ATP8B4: variants seen among roughly 807,000 people sequenced by gnomAD.
The protein encoded by ATP8B4 is probable phospholipid-transporting ATPase IM.
In ATP8B4, 133 loss-of-function variants were observed where a neutral mutation model predicts 145.6. The ratio of observed to expected loss-of-function variants is 0.91; its 90% CI spans 0.79 to 1.05. ATP8B4 has a LOEUF of 1.05. ATP8B4 is among the 50% of genes least tolerant of loss of function. ATP8B4 has a pLI of 0.00. For missense variants in ATP8B4, 1,458 were observed against 1,425.2 expected (o/e 1.02, Z -0.37); for synonymous variants, 507 against 492.9 (o/e 1.03, Z -0.38).
chr15:50,170,162 T>C (rs1180348915), intron 1 of ATP8B4, among the ~76,000 whole-genome samples: 1 of 152,064 alleles, frequency 6.6e-6, no homozygotes, highest in Non-Finnish European at 1.5e-5. Context: ...GACATGTAAA[T>C]ATGAGAAGCA....
At chr15:50,137,660 A>G (rs1288066210) in intron 1 of ATP8B4, among the ~76,000 whole-genome samples, 1 of 152,186 alleles carries the variant, frequency 6.6e-6, no homozygotes, top group African/African-American at 2.4e-5. Context: ...GTTGCATGTC[A>G]CTGTGCACCA....
At chr15:49,864,746 A>G (rs1295822176) in intron 26 of ATP8B4, among the ~76,000 whole-genome samples, 1 of 152,210 alleles carries the variant, frequency 6.6e-6, no homozygotes, top group East Asian at 1.9e-4. Flanking sequence ...CCACATTTGC[A>G]TGAATAATAA....
Position 49,979,637 on chromosome 15 carries a change from T to C in ATP8B4, c.1014A>G (p.Val338=). Residue 338 remains valine (V), a synonymous_variant, in exon 12 of 28, where the codon GTA becomes GTG. Coordinates refer to ENST00000284509, the MANE Select transcript of ATP8B4 (RefSeq NM_024837.4). ...WSYIIILNTV[V]PISLYVSVEV... ...CTTACCTCACATATAAGGAAATGGG[T>C]ACAACTGTATTGAGAATAATAATAT... 6.4e-7 allele frequency: 1 copy of C among 1,552,590 alleles called. No individual in the cohort carries two copies. The highest frequency in any genetic ancestry group is 8.8e-7 in the Non-Finnish European group (1 of 1,140,822).
intron 6 of ATP8B4, among the ~76,000 whole-genome samples, chr15:50,032,812 A>G (rs1221240940): frequency 3.3e-5 from 5 of 152,194 alleles, no homozygotes; most frequent in Admixed American, 1.3e-4. Flanking sequence ...CATAGAAAAA[A>G]AGACAGAGAG....
chr15:49,898,412 A>G (rs550044588), intron 21 of ATP8B4, among the ~76,000 whole-genome samples, 161 bp from the exon 22 acceptor site: 278 of 152,378 alleles, frequency 1.8e-3, no homozygotes, highest in Non-Finnish European at 3.3e-3. Context: ...ACAAGCAACA[A>G]GAACCAAAGA....
chr15:50,001,872 A>G (rs1450542556), intron 8 of ATP8B4, among the ~76,000 whole-genome samples: 1 of 152,200 alleles, frequency 6.6e-6, no homozygotes, highest in African/African-American at 2.4e-5. Flanking sequence ...TTGAAATCAA[A>G]ACAAGCAAAA....
intron 17 of ATP8B4, among the ~76,000 whole-genome samples, chr15:49,921,979 T>C (rs1330795323): frequency 6.6e-6 from 1 of 152,228 alleles, no homozygotes; most frequent in Non-Finnish European, 1.5e-5. Flanking sequence ...TACCACTGCC[T>C]TCCTCTCTGT....
In ATP8B4 at chr15:50,038,789, G is replaced by T; in HGVS notation, c.341C>A (p.Ser114Tyr). The stretch of plus-strand genomic sequence containing the variant: ...TTACTTGCTGTTGATGAGCACTTCA[G>T]ACTGCCGATTATTCACTTGATTATC... ...KSDNQVNNRQ[S>Y]EVLINSKLQN... Residue 114 changes from serine (S) to tyrosine (Y), a missense_variant, in exon 6 of 28, where the codon TCT (serine) becomes TAT (tyrosine). By Grantham distance (144) the Ser-to-Tyr change is moderately radical. Transcript: ENST00000284509. 1 of 1,613,662 alleles carries T rather than the reference G, an allele frequency of 6.2e-7. No individual in the cohort carries two copies. Among genetic ancestry groups the T allele is most frequent in the African/African-American group, 1.3e-5 (1 of 75,028 alleles).
At chr15:49,900,976 G>A in intron 21 of ATP8B4, 116 bp downstream of exon 21, 1 of 1,313,170 alleles carries the variant, frequency 7.6e-7, no homozygotes, top group African/African-American at 1.5e-5. Flanking sequence ...CATATGCCCT[G>A]TATCTAGTAG....
chr15:49,894,960 G>A (rs1176251645), intron 23 of ATP8B4: 2 of 152,212 alleles, frequency 1.3e-5, no homozygotes, highest in African/African-American at 2.4e-5. Flanking sequence ...TCCTCAAGGA[G>A]CTAATGGTTA....
chr15:49,911,520 A>G (rs2039225831), intron 20 of ATP8B4, among the ~76,000 whole-genome samples: 1 of 152,166 alleles, frequency 6.6e-6, no homozygotes, highest in African/African-American at 2.4e-5. Flanking sequence ...CCAACACTGA[A>G]GTACCCAGAT....
At chr15:50,047,216 C>T (rs112529970) in intron 4 of ATP8B4, 135 bp downstream of exon 4, 3 of 616,338 alleles carry the variant, frequency 4.9e-6, no homozygotes, top group African/African-American at 1.9e-5. Flanking sequence ...GAAACAGCAA[C>T]AACAAGATTA....
chr15:50,094,755 C>A (rs2055858875), intron 2 of ATP8B4, among the ~76,000 whole-genome samples: 1 of 147,688 alleles, frequency 6.8e-6, no homozygotes, highest in Admixed American at 6.8e-5. Flanking sequence ...TTCCGTTTTA[C>A]TAGAGAATCC....
chr15:49,999,897 TC>T (rs988389253), intron 8 of ATP8B4, among the ~76,000 whole-genome samples: 14 of 152,274 alleles, frequency 9.2e-5, no homozygotes, highest in African/African-American at 3.1e-4. Context: ...GTTCTCTATT[TC>T]CATGATTTTG....
intron 12 of ATP8B4, among the ~76,000 whole-genome samples, chr15:49,977,310 G>T (rs2045753272): frequency 6.6e-6 from 1 of 152,028 alleles, no homozygotes; most frequent in African/African-American, 2.4e-5. Flanking sequence ...TCCTTGGAAT[G>T]CTTTTTCCCT....
chr15:50,065,934 C>T (rs1388878794), intron 3 of ATP8B4, among the ~76,000 whole-genome samples: 1 of 149,726 alleles, frequency 6.7e-6, no homozygotes, highest in Non-Finnish European at 1.5e-5. Flanking sequence ...CCTCAGAGAA[C>T]TTACCTAGAT....
intron 1 of ATP8B4, among the ~76,000 whole-genome samples, chr15:50,168,466 C>T (rs2044625101): frequency 1.3e-5 from 2 of 152,126 alleles, no homozygotes; most frequent in African/African-American, 4.8e-5. Context: ...TTACTTGAAG[C>T]TGAGTCAATT....
chr15:50,172,268 G>T (rs560540739), intron 1 of ATP8B4, among the ~76,000 whole-genome samples: 1 of 152,218 alleles, frequency 6.6e-6, no homozygotes, highest in African/African-American at 2.4e-5. Flanking sequence ...TCAGCCTGCC[G>T]AGTGCCTGGG....
chr15:49,860,375 G>A lies in ATP8B4; in HGVS notation c.3398C>T (p.Ala1133Val). Residue 1133 changes from alanine (A) to valine (V), a missense_variant, in exon 28 of 28, where the codon GCT becomes GTT. Physicochemically the swap from Ala to Val is moderately conservative, Grantham distance 64. Coordinates refer to ENST00000284509, the MANE Select transcript of ATP8B4 (RefSeq NM_024837.4). ...AAGCTCTCCATAGCCTTCTTGGTGA[G>A]CAAAAGCATATCCAGACCTTCTTGA... ...SSSRRSGYAF[A>V]HQEGYGELIT... is the part of the protein sequence containing the mutation. 3 of 1,614,098 alleles carry A rather than the reference G, an allele frequency of 1.9e-6. No homozygotes were observed. Among genetic ancestry groups the A allele is most frequent in the Non-Finnish European group, 2.5e-6 (3 of 1,179,988 alleles).
Sources: gnomAD v4.1 joint callset for allele counts (sites outside exome capture counted in the v4.1 genomes callset) on GRCh38, gnomAD v4.1.1 for gene constraint, MANE v1.5 for transcripts, NCBI Gene and HGNC (gene_info 2026-07-23, HGNC 2026-07-21) for gene names.